GPR158: variants seen among roughly 807,000 people sequenced by gnomAD.
GPR158 encodes G protein-coupled receptor 158.
Under a neutral mutation model 78.2 loss-of-function variants are expected in GPR158, and 30 were observed. The ratio of observed to expected loss-of-function variants is 0.38; its 90% CI spans 0.29 to 0.52. The LOEUF (loss-of-function observed/expected upper bound fraction) is 0.52, where lower values mean the gene tolerates loss of function less well. Among genes scored for constraint, GPR158 ranks in the 20% least tolerant of loss-of-function variants. GPR158 has a pLI of 0.83. For missense variants in GPR158, 1,463 were observed against 1,523.5 expected, an observed-to-expected ratio of 0.96 and a Z score of 0.66; for synonymous variants, 581 against 591.1, an observed-to-expected ratio of 0.98 and a Z score of 0.25.
At chr10:25,597,742 A>C (rs1329541519) in intron 10 of GPR158, 30 bp from the exon 11 acceptor site, 7 of 1,477,422 alleles carry the variant, frequency 4.7e-6, no homozygotes, top group Non-Finnish European at 6.3e-6. Flanking sequence ...TAAATTCTAC[A>C]CTTCTTTGAA....
chr10:25,396,750 TTAA>T (rs1223706950), intron 3 of GPR158, among the ~76,000 whole-genome samples: 1 of 152,178 alleles, frequency 6.6e-6, no homozygotes, highest in African/African-American at 2.4e-5. Context: ...CTTCATAAAG[TTAA>T]TAATAAAATA....
At chr10:25,557,193 G>A (rs369179026) in intron 6 of GPR158, among the ~76,000 whole-genome samples, 4 of 152,196 alleles carry the variant, frequency 2.6e-5, no homozygotes, top group East Asian at 3.9e-4. Context: ...GAAACTCTGT[G>A]TAGTTATGGG....
intron 1 of GPR158, among the ~76,000 whole-genome samples, chr10:25,179,934 G>C (rs375055423): frequency 6.6e-6 from 1 of 151,952 alleles, no homozygotes; most frequent in African/African-American, 2.4e-5. Flanking sequence ...ATTTTTCTTC[G>C]TGGGACTTAA....
chr10:25,485,290 T>G (rs1459325105), intron 5 of GPR158, among the ~76,000 whole-genome samples: 1 of 151,962 alleles, frequency 6.6e-6, no homozygotes, highest in Non-Finnish European at 1.5e-5. Flanking sequence ...ACTTTAAGTG[T>G]CAAGGGCTAC....
chr10:25,382,267 G>T (rs1383931214), intron 2 of GPR158, among the ~76,000 whole-genome samples: 1 of 152,206 alleles, frequency 6.6e-6, no homozygotes, highest in Admixed American at 6.5e-5. Context: ...TCCTGAGTCA[G>T]TCTCAGCCCC....
At chr10:25,248,344 T>G (rs868287385) in intron 2 of GPR158, among the ~76,000 whole-genome samples, 86 of 151,866 alleles carry the variant, frequency 5.7e-4, no homozygotes, top group African/African-American at 1.6e-3. Flanking sequence ...GTCAATTTTG[T>G]CTTTTGTTGC....
chr10:25,529,317 G>A (rs141174135), intron 5 of GPR158, among the ~76,000 whole-genome samples: 257 of 152,208 alleles, frequency 1.7e-3, no homozygotes, highest in African/African-American at 5.9e-3. Flanking sequence ...AACTCGGGAG[G>A]CGGAGGTAGC....
intron 2 of GPR158, among the ~76,000 whole-genome samples, chr10:25,249,128 A>G (rs1412079182): frequency 6.6e-6 from 1 of 152,014 alleles, no homozygotes; most frequent in Non-Finnish European, 1.5e-5. Flanking sequence ...TTGTTGGTGT[A>G]TAAGAATGCT....
chr10:25,418,631 G>A (rs1019706068), intron 4 of GPR158, among the ~76,000 whole-genome samples: 12 of 149,320 alleles, frequency 8.0e-5, no homozygotes, highest in Admixed American at 1.3e-4. Context: ...TTTTCTATTC[G>A]TGATCTCAAA....
chr10:25,446,321 A>G (rs906042321), intron 4 of GPR158, among the ~76,000 whole-genome samples: 1 of 152,178 alleles, frequency 6.6e-6, no homozygotes, highest in Non-Finnish European at 1.5e-5. Context: ...AAGTCACAAC[A>G]TCTTTGTAAA....
chr10:25,396,437 G>A (rs927754327), intron 3 of GPR158, among the ~76,000 whole-genome samples: 7 of 152,068 alleles, frequency 4.6e-5, no homozygotes, highest in South Asian at 2.1e-4. Flanking sequence ...GTTATCATAC[G>A]GTTCCCATTG....
chr10:25,549,643 T>C (rs1339089098), intron 5 of GPR158, among the ~76,000 whole-genome samples: 4 of 152,190 alleles, frequency 2.6e-5, no homozygotes, highest in Non-Finnish European at 4.4e-5. Flanking sequence ...CATTGTCTCC[T>C]GTTCACACCT....
At chr10:25,463,613 C>T (rs1289505047) in intron 4 of GPR158, among the ~76,000 whole-genome samples, 6 of 152,110 alleles carry the variant, frequency 3.9e-5, no homozygotes, top group African/African-American at 1.4e-4. Flanking sequence ...ATCACCATTT[C>T]TTTCTATCTC....
At chr10:25,235,166 G>C (rs1926055) in intron 2 of GPR158, among the ~76,000 whole-genome samples, 21,491 of 152,172 alleles carry the variant, frequency 0.14, 1,966 homozygotes, top group East Asian at 0.33. Flanking sequence ...TCTCTTTGGT[G>C]AGAATTGAAT....
chr10:25,460,037 A>G (rs1381559229), intron 4 of GPR158, among the ~76,000 whole-genome samples: 1 of 152,124 alleles, frequency 6.6e-6, no homozygotes, highest in Non-Finnish European at 1.5e-5. Flanking sequence ...CCCCAGCTTT[A>G]TATTCATCTG....
intron 1 of GPR158, among the ~76,000 whole-genome samples, chr10:25,202,725 G>A (rs1359470902): frequency 3.3e-5 from 5 of 152,192 alleles, no homozygotes; most frequent in Admixed American, 6.5e-5. Flanking sequence ...ACGTGTGCAT[G>A]TGCCTTTATA....
intron 2 of GPR158, among the ~76,000 whole-genome samples, chr10:25,370,748 G>T (rs1255693564): frequency 6.6e-6 from 1 of 150,940 alleles, no homozygotes; most frequent in East Asian, 1.9e-4. Flanking sequence ...TCGTTGATCT[G>T]TCTAATTTTG....
chr10:25,244,432 T>A (rs1010604812), intron 2 of GPR158: 1 of 152,186 alleles, frequency 6.6e-6, no homozygotes, highest in Non-Finnish European at 1.5e-5. Context: ...TGCTAGAAGT[T>A]AACAACTCTA....
intron 4 of GPR158, among the ~76,000 whole-genome samples, chr10:25,423,742 C>A (rs991879166): frequency 6.6e-6 from 1 of 152,146 alleles, no homozygotes; most frequent in Non-Finnish European, 1.5e-5. Context: ...GCATAGTATT[C>A]CATGGTGTAT....
Sources: gnomAD v4.1 joint callset for allele counts (sites outside exome capture counted in the v4.1 genomes callset) on GRCh38, gnomAD v4.1.1 for gene constraint, MANE v1.5 for transcripts, NCBI Gene and HGNC (gene_info 2026-07-23, HGNC 2026-07-21) for gene names.